HECW1: variants seen among roughly 807,000 people sequenced by gnomAD.
HECW1 encodes E3 ubiquitin-protein ligase HECW1.
HECW1 carries 61 observed loss-of-function variants against 182.3 expected under a neutral mutation model. The ratio of observed to expected loss-of-function variants is 0.33; its 90% confidence interval spans 0.27 to 0.41. The LOEUF (loss-of-function observed/expected upper bound fraction) is 0.41, where lower values mean the gene tolerates loss of function less well. Ranked by LOEUF, HECW1 falls within the 10% of genes least tolerant of loss-of-function variation. The pLI is 1.00. For missense variants in HECW1, 1,739 were observed against 2,108.9 expected (o/e 0.82, Z 3.44); for synonymous variants, 859 against 832.6 (o/e 1.03, Z -0.55).
intron 3 of HECW1, among the ~76,000 whole-genome samples, chr7:43,257,604 T>C (rs180955563): frequency 3.0e-4 from 46 of 152,076 alleles, no homozygotes; most frequent in African/African-American, 1.0e-3. Context: ...CAAGCAGACT[T>C]GATGGGGGAT....
intron 16 of HECW1, among the ~76,000 whole-genome samples, chr7:43,475,529 C>T (rs897214985): frequency 1.3e-5 from 2 of 152,000 alleles, no homozygotes; most frequent in Admixed American, 6.6e-5. Context: ...TTAAAAATTA[C>T]TTGATAAAAA....
chr7:43,253,130 T>A (rs200441448), intron 3 of HECW1, among the ~76,000 whole-genome samples: 22 of 129,370 alleles, frequency 1.7e-4, no homozygotes, highest in African/African-American at 6.5e-4. Flanking sequence ...ATCCGCACTT[T>A]AAAAAAAAAA....
Position 43,407,593 on chromosome 7 carries a change from G to A in HECW1, c.663G>A (p.Met221Ile). 6.2e-7 allele frequency: 1 copy of A among 1,613,400 alleles called. No homozygotes were observed. The highest frequency in any genetic ancestry group is 8.5e-7 in the Non-Finnish European group (1 of 1,179,534). ...AAGCCATGGGGTTGAAGAAAGGGAT[G>A]TTTTTCAACCCAGACCCTTATCTGA... The part of the protein sequence containing the change: ...DFQAMGLKKG[M>I]FFNPDPYLKI... Residue 221 changes from methionine to isoleucine, a missense_variant, in exon 8 of 30, where the codon ATG (methionine) becomes ATA (isoleucine). By Grantham distance (10) the Met-to-Ile change is conservative (BLOSUM62 1). Transcript: ENST00000395891.
rs770191355 is a variant in HECW1, at chr7:43,561,973, T to C, written c.*47T>C. 4.7e-6 allele frequency: 5 copies of C among 1,065,000 alleles called. No individual in the cohort carries two copies. Among genetic ancestry groups the C allele is most frequent in the South Asian group, 2.6e-5 (2 of 78,402 alleles). 66.0% of individuals were successfully genotyped at this position (1,065,000 alleles called of 1,614,324 possible). On this transcript the variant is annotated 3_prime_UTR_variant, in exon 30 of 30. Coordinates refer to ENST00000395891, the MANE Select transcript of HECW1 (RefSeq NM_015052.5). ...ATTTTCCTGGCCAGTGACATCACCC[T>C]TCCTGGGATGATCCCCTTTTCCCTT...
chr7:43,353,111 A>G (rs1363331580), intron 5 of HECW1, among the ~76,000 whole-genome samples: 1 of 152,142 alleles, frequency 6.6e-6, no homozygotes, highest in Admixed American at 6.6e-5. Context: ...GTTTTGCTCT[A>G]CTTCGTGAAG....
In HECW1 at chr7:43,450,834, G is replaced by T; in HGVS notation, c.2405G>T (p.Cys802Phe). The change falls in exon 12 of 30, where the codon TGT (cysteine) becomes TTT (phenylalanine). Residue 802 changes from cysteine to phenylalanine, a missense_variant. By Grantham distance (205) the Cys-to-Phe change is radical (BLOSUM62 -2). This residue lies in a region of HECW1 where 971 missense variants were observed against 1,029.1 expected (regional missense o/e 0.94). Coordinates refer to ENST00000395891, the MANE Select transcript of HECW1 (RefSeq NM_015052.5). ...TTGACTATCTTGTCCGTAGGTGAAT[G>T]TCCTATACTCCATAATTCCCAGCCA... ...AGPSNRREGE[C>F]PILHNSQPVS... The T allele has an allele frequency of 1.9e-6, 3 of 1,600,212 alleles. No homozygotes were observed. The highest frequency in any genetic ancestry group is 1.7e-6 in the Non-Finnish European group (2 of 1,167,458).
At chr7:43,219,076 G>GA (rs926147172) in intron 2 of HECW1, among the ~76,000 whole-genome samples, 5 of 151,966 alleles carry the variant, frequency 3.3e-5, no homozygotes, top group Admixed American at 1.3e-4. Flanking sequence ...TGTAGCCTGC[G>GA]AAAAAAACTA....
intron 6 of HECW1, among the ~76,000 whole-genome samples, chr7:43,385,420 A>T (rs527908732): frequency 1.5e-4 from 23 of 150,490 alleles, no homozygotes; most frequent in Non-Finnish European, 3.0e-4. Flanking sequence ...TGTGATTCAC[A>T]TCCTTGAGTA....
intron 5 of HECW1, among the ~76,000 whole-genome samples, chr7:43,343,441 C>T (rs561349725): frequency 2.0e-5 from 3 of 150,168 alleles, no homozygotes; most frequent in African/African-American, 7.4e-5. Flanking sequence ...CTATGACAGA[C>T]GTGTGTGATA....
intron 14 of HECW1, among the ~76,000 whole-genome samples, chr7:43,465,830 G>T (rs756894158): frequency 2.8e-4 from 42 of 151,542 alleles, no homozygotes; most frequent in Non-Finnish European, 4.7e-4. Context: ...GGAATTAAAG[G>T]CTGCGGTGAG....
At chr7:43,470,881 A>G (rs987524507) in intron 16 of HECW1, among the ~76,000 whole-genome samples, 11 of 152,222 alleles carry the variant, frequency 7.2e-5, no homozygotes, top group Non-Finnish European at 1.5e-4. Flanking sequence ...CTTGCAATGT[A>G]TTACCACAGT....
At chr7:43,517,434 A>G (rs1011842890) in intron 24 of HECW1, among the ~76,000 whole-genome samples, 8 of 151,500 alleles carry the variant, frequency 5.3e-5, no homozygotes, top group African/African-American at 1.7e-4. Flanking sequence ...AGCAAGGGGA[A>G]GTGGGGGAGG....
intron 2 of HECW1, among the ~76,000 whole-genome samples, chr7:43,187,934 GGCACTAA>G (rs1793560083): frequency 6.6e-6 from 1 of 152,174 alleles, no homozygotes. Flanking sequence ...TTACCAAGCA[GGCACTAA>G]ATGGCTGAAT....
chr7:43,369,037 T>C (rs966292849), intron 6 of HECW1, among the ~76,000 whole-genome samples: 1 of 152,228 alleles, frequency 6.6e-6, no homozygotes, highest in African/African-American at 2.4e-5. Context: ...TGGTGTTTCA[T>C]GGGCACATTT....
In HECW1 at chr7:43,383,772, GA is replaced by G. The variant is rs1198407206; in HGVS notation, c.556-13041del. Among the ~76,000 whole-genome samples, 18 of 152,238 alleles carry G rather than the reference GA, an allele frequency of 1.2e-4. No individual in the cohort carries two copies. In the South Asian group the frequency reaches 1.2e-3, roughly 11 times the overall value. ...AGTCAAACATTTGTGTATAACTTTTGACTCCCCCAAAACTTAACCACTAACA... is the reference window on the plus strand; with the variant it reads ...AGTCAAACATTTGTGTATAACTTTTGCTCCCCCAAAACTTAACCACTAACA... On this transcript the variant is annotated intron_variant, in intron 6 of 29. Transcript: ENST00000395891.
rs187353109 is a variant in HECW1 at position 43,295,799 on chromosome 7, C to T, written c.28-15964C>T. 1.4e-4 allele frequency among the ~76,000 whole-genome samples: 21 copies of T among 152,294 alleles called. No individual in the cohort carries two copies. The East Asian group carries it at 3.3e-3, about 24-fold the overall frequency. ...CATCACTTTGGTAAGGGAGCTTTTT[C>T]ATTGTAAGCCCATTTATACTCATAC... On this transcript the variant is annotated intron_variant, in intron 3 of 29. Transcript: ENST00000395891.
At position 43,444,753 on chromosome 7, in the gene HECW1, G is replaced by T; in HGVS notation, c.1581G>T (p.Ser527=). The part of the protein sequence containing the change: ...QGEGRLQLRA[S]VKRKSRPCSL... ...AGGGCAGGCTGCAGCTGCGGGCCTC[G>T]GTGAAGAGAAAAAGCAGGCCCTGCT... Residue 527 remains serine (S), a synonymous_variant, in exon 11 of 30, where the codon TCG becomes TCT. Transcript: ENST00000395891. This position sits in a 1 kb window ranked among gnomAD's most constrained non-coding sequence, Gnocchi z 4.3. 1 of 1,613,940 alleles carries T rather than the reference G, an allele frequency of 6.2e-7. No homozygotes were observed. Among genetic ancestry groups the T allele is most frequent in the South Asian group, 1.1e-5 (1 of 91,064 alleles).
At chr7:43,460,544 G>A (rs193126570) in intron 13 of HECW1, among the ~76,000 whole-genome samples, 5 of 151,816 alleles carry the variant, frequency 3.3e-5, no homozygotes, top group African/African-American at 1.2e-4. Flanking sequence ...GCGCGTGCGT[G>A]TGTGTGCGTG....
chr7:43,144,578 C>T (rs1788499440), intron 2 of HECW1, among the ~76,000 whole-genome samples: 1 of 152,066 alleles, frequency 6.6e-6, no homozygotes, highest in South Asian at 2.1e-4. Flanking sequence ...AATTATAATC[C>T]AATAATACAT....
Sources: allele counts gnomAD v4.1 joint callset (sites outside exome capture counted in the v4.1 genomes callset), GRCh38; gene constraint gnomAD v4.1.1; regional missense constraint gnomAD v4.1.1; non-coding constraint Gnocchi (gnomAD v3.1); transcripts MANE v1.5; gene names NCBI Gene and HGNC (gene_info 2026-07-23, HGNC 2026-07-21).